Variants in BRINP3 observed in about 807,000 individuals in gnomAD.
BRINP3 encodes BMP/retinoic acid inducible neural specific 3, also known as BMP/retinoic acid-inducible neural-specific protein 3.
A neutral mutation model predicts 71.0 loss-of-function variants in BRINP3; 19 were observed. The observed-to-expected ratio is 0.27, with a 90% confidence interval of 0.19 to 0.39. The LOEUF is 0.39. Among genes scored for constraint, BRINP3 ranks in the 10% least tolerant of loss-of-function variants. The pLI, the probability that BRINP3 is intolerant of heterozygous loss-of-function variation, is 1.00. For synonymous variants in BRINP3, 380 were observed against 337.7 expected, an observed-to-expected ratio of 1.13 and a Z score of -1.37; for missense variants, 959 against 940.8, an observed-to-expected ratio of 1.02 and a Z score of -0.25.
intron 3 of BRINP3, among the ~76,000 whole-genome samples, chr1:190,268,825 A>G (rs959339682): frequency 6.6e-6 from 1 of 152,158 alleles, no homozygotes; most frequent in African/African-American, 2.4e-5. Flanking sequence ...AATGTGAAAC[A>G]TACATGAAAA....
At chr1:190,323,536 T>C (rs1342689145) in intron 2 of BRINP3, among the ~76,000 whole-genome samples, 1 of 151,218 alleles carries the variant, frequency 6.6e-6, no homozygotes, top group Non-Finnish European at 1.5e-5. Context: ...ATGAGAGTTA[T>C]CCATCGGAAC....
intron 2 of BRINP3, chr1:190,302,593 T>C (rs370773310): frequency 2.6e-5 from 4 of 151,822 alleles, no homozygotes; most frequent in African/African-American, 9.7e-5. Context: ...TTTGTCCAAC[T>C]TAATTATTCA....
chr1:190,348,696 C>T (rs777098502), intron 2 of BRINP3, among the ~76,000 whole-genome samples: 1 of 152,110 alleles, frequency 6.6e-6, no homozygotes, highest in Non-Finnish European at 1.5e-5. Context: ...ACTTGCACTG[C>T]ACAGGTGTAC....
At chr1:190,243,935 A>G (rs181082639) in intron 4 of BRINP3, among the ~76,000 whole-genome samples, 95 of 152,210 alleles carry the variant, frequency 6.2e-4, no homozygotes, top group Admixed American at 1.6e-3. Flanking sequence ...TTGTTTTTCT[A>G]TGCATTTCAA....
At chr1:190,236,648 A>G (rs1207700500) in intron 4 of BRINP3, among the ~76,000 whole-genome samples, 5 of 151,912 alleles carry the variant, frequency 3.3e-5, no homozygotes, top group African/African-American at 1.2e-4. Flanking sequence ...TCCACCTACT[A>G]TTCCCCACTA....
At chr1:190,384,153 T>G (rs1670729724) in intron 2 of BRINP3, among the ~76,000 whole-genome samples, 1 of 150,350 alleles carries the variant, frequency 6.7e-6, no homozygotes, top group Non-Finnish European at 1.5e-5. Context: ...AATGTTTTTT[T>G]TTTCATTGCC....
chr1:190,416,928 G>A (rs1033491819), intron 2 of BRINP3, among the ~76,000 whole-genome samples: 3 of 151,998 alleles, frequency 2.0e-5, no homozygotes, highest in Non-Finnish European at 4.4e-5. Context: ...AAGCAATTTG[G>A]GATTATCTGT....
chr1:190,402,411 A>G (rs1029768910), intron 2 of BRINP3, among the ~76,000 whole-genome samples: 1 of 152,154 alleles, frequency 6.6e-6, no homozygotes, highest in South Asian at 2.1e-4. Context: ...TAGTTACATC[A>G]TCTTTATACT....
intron 2 of BRINP3, among the ~76,000 whole-genome samples, chr1:190,367,141 G>T (rs921642347): frequency 6.6e-6 from 1 of 152,194 alleles, no homozygotes; most frequent in East Asian, 1.9e-4. Context: ...CCTGGCAGAG[G>T]TTCTCCGTGA....
intron 2 of BRINP3, among the ~76,000 whole-genome samples, chr1:190,443,211 C>T (rs1299143751): frequency 1.3e-5 from 2 of 151,824 alleles, no homozygotes; most frequent in Non-Finnish European, 2.9e-5. Flanking sequence ...CCTTCTGTAT[C>T]TTGACTAAAA....
intron 2 of BRINP3, among the ~76,000 whole-genome samples, chr1:190,361,219 C>T (rs1372075709): frequency 1.3e-5 from 2 of 151,848 alleles, no homozygotes; most frequent in Non-Finnish European, 2.9e-5. Flanking sequence ...CTCAGAGGAA[C>T]CATTGAAGAC....
At chr1:190,203,441 ATGTGTGTGTGTATATATATATGTGTGTG>A (rs1558061444) in intron 6 of BRINP3, among the ~76,000 whole-genome samples, 1 of 142,958 alleles carries the variant, frequency 7.0e-6, no homozygotes, top group Non-Finnish European at 1.5e-5. Flanking sequence ...ATATATATGT[ATGTGTGTGTGTATATATATATGTGTGTG>A]TGTGTGTGTG....
intron 2 of BRINP3, among the ~76,000 whole-genome samples, chr1:190,442,653 C>T (rs1361994067): frequency 6.6e-6 from 1 of 151,354 alleles, no homozygotes; most frequent in African/African-American, 2.4e-5. Context: ...AAGGTACTTA[C>T]GTGTGTGTGT....
At chr1:190,172,244 CTT>C (rs546627198) in intron 6 of BRINP3, among the ~76,000 whole-genome samples, 37 of 150,274 alleles carry the variant, frequency 2.5e-4, no homozygotes, top group Non-Finnish European at 5.0e-4. Flanking sequence ...TGCCTAACTC[CTT>C]ATATATGAGT....
chr1:190,177,470 G>A (rs1015556082), intron 6 of BRINP3, among the ~76,000 whole-genome samples: 4 of 151,166 alleles, frequency 2.6e-5, no homozygotes, highest in African/African-American at 9.7e-5. Flanking sequence ...GAGGCACCAC[G>A]CCCGGCCCGG....
intron 7 of BRINP3, among the ~76,000 whole-genome samples, chr1:190,126,982 T>A (rs1395631448): frequency 6.6e-6 from 1 of 151,882 alleles, no homozygotes; most frequent in African/African-American, 2.4e-5. Context: ...AATGTGACTC[T>A]TACAAAAATG....
intron 1 of BRINP3, among the ~76,000 whole-genome samples, chr1:190,461,241 C>T (rs1230792989): frequency 2.6e-5 from 4 of 152,146 alleles, no homozygotes; most frequent in African/African-American, 9.7e-5. Context: ...CTTTGTTTTT[C>T]AGCCATGACC....
chr1:190,469,421 G>A (rs371867387), intron 1 of BRINP3, among the ~76,000 whole-genome samples: 1 of 150,764 alleles, frequency 6.6e-6, no homozygotes, highest in Non-Finnish European at 1.5e-5. Flanking sequence ...TAACATGCTT[G>A]GCGTTATATG....
rs149120995 is a variant in BRINP3 at position 190,098,848 on chromosome 1, C to T, written c.1471G>A (p.Asp491Asn). The T allele has an allele frequency of 2.8e-5, 46 of 1,614,064 alleles. No homozygotes were observed. Among genetic ancestry groups the T allele is most frequent in the Non-Finnish European group, 3.2e-5 (38 of 1,180,048 alleles). ...STDHYIGFET[D>N]LQDLEMKYLL... ...TATTTCATCTCGAGATCTTGCAGGT[C>T]AGTTTCAAAGCCAATATAGTGATCG... is the stretch of plus-strand genomic sequence containing the variant. Residue 491 changes from aspartate to asparagine, a missense_variant, in exon 8 of 8, where the codon GAC becomes AAC. Asp to Asn is a conservative substitution (Grantham distance 23). Coordinates refer to ENST00000367462, the MANE Select transcript of BRINP3 (RefSeq NM_199051.3).
Sources: allele counts gnomAD v4.1 joint callset (sites outside exome capture counted in the v4.1 genomes callset), GRCh38; gene constraint gnomAD v4.1.1; transcripts MANE v1.5; gene names NCBI Gene and HGNC (gene_info 2026-07-23, HGNC 2026-07-21).